Variants in DHX35 observed in about 807,000 individuals in gnomAD.
DHX35 encodes the protein DEAH-box helicase 35, also known as probable ATP-dependent RNA helicase DHX35.
DHX35 carries 84 observed loss-of-function variants against 99.6 expected under a neutral mutation model. That is an observed-to-expected ratio of 0.84 (90% confidence interval 0.71 to 1.01). The LOEUF (loss-of-function observed/expected upper bound fraction) is 1.01. Among genes scored for constraint, DHX35 ranks in the 50% least tolerant of loss-of-function variants. DHX35 has a pLI of 0.00. For synonymous variants in DHX35, 331 were observed against 316.2 expected, an observed-to-expected ratio of 1.05 and a Z score of -0.50; for missense variants, 852 against 888.5, an observed-to-expected ratio of 0.96 and a Z score of 0.52.
intron 8 of DHX35, among the ~76,000 whole-genome samples, chr20:39,000,139 C>T (rs2086495022): frequency 6.6e-6 from 1 of 152,148 alleles, no homozygotes; most frequent in African/African-American, 2.4e-5. Flanking sequence ...GGATGTCTCC[C>T]CCTTCCCAGC....
intron 13 of DHX35, among the ~76,000 whole-genome samples, chr20:39,013,080 AAAATAT>A (rs2086729285): frequency 6.6e-6 from 1 of 152,196 alleles, no homozygotes; most frequent in African/African-American, 2.4e-5. Context: ...ATTACATTTA[AAAATAT>A]AAATAATGAA....
At chr20:39,025,544 A>T (rs562999350) in intron 18 of DHX35, among the ~76,000 whole-genome samples, 185 bp downstream of exon 18, 1 of 152,068 alleles carries the variant, frequency 6.6e-6, no homozygotes, top group African/African-American at 2.4e-5. Context: ...TTTTCCAAGG[A>T]GGTCTATTTT....
At chr20:38,997,091 C>G (rs73621982) in intron 8 of DHX35, among the ~76,000 whole-genome samples, 50,928 of 148,782 alleles carry the variant, frequency 0.34, 8,653 homozygotes, top group Middle Eastern at 0.51. Context: ...TATTTTTTGA[C>G]ACCAAGTCTC....
chr20:38,999,188 C>A (rs1307603790), intron 8 of DHX35, among the ~76,000 whole-genome samples: 1 of 151,976 alleles, frequency 6.6e-6, no homozygotes, highest in Admixed American at 6.6e-5. Flanking sequence ...ATTGTCAAGG[C>A]ATCATCTTCT....
At position 39,034,244 on chromosome 20, in the gene DHX35, A is replaced by G. The variant is rs768780862; in HGVS notation, c.1994A>G (p.Tyr665Cys). Residue 665 changes from tyrosine to cysteine, a missense_variant, in exon 21 of 22, where the codon TAC (tyrosine) becomes TGC (cysteine). By Grantham distance (194) the Tyr-to-Cys change is radical. Coordinates refer to ENST00000252011, the MANE Select transcript of DHX35 (RefSeq NM_021931.4). ...YNEVIQTSKY[Y>C]MRDVTAIESA... ...GAAGTTATACAGACCTCCAAGTACT[A>G]CATGAGAGATGTGACTGCCATTGAA... The G allele has an allele frequency of 3.7e-6, 6 of 1,614,208 alleles. No homozygotes were observed. Among genetic ancestry groups the G allele is most frequent in the East Asian group, 2.2e-5 (1 of 44,888 alleles).
intron 14 of DHX35, among the ~76,000 whole-genome samples, chr20:39,018,002 T>C (rs985687514): frequency 6.6e-6 from 1 of 152,180 alleles, no homozygotes; most frequent in Non-Finnish European, 1.5e-5. Flanking sequence ...GCATGTCTTA[T>C]ATGGCAGCAG....
At chr20:38,994,984 C>G in intron 8 of DHX35, 104 bp downstream of exon 8, 2 of 969,720 alleles carry the variant, frequency 2.1e-6, no homozygotes, top group East Asian at 4.9e-5. Context: ...GCAGAATGCC[C>G]TATCTTCTTT....
intron 11 of DHX35, among the ~76,000 whole-genome samples, chr20:39,004,320 C>T (rs1051451052): frequency 5.9e-5 from 9 of 152,108 alleles, no homozygotes; most frequent in African/African-American, 2.2e-4. Context: ...CCACCTTGGC[C>T]TCCCAAAGTG....
rs189090106 is a variant in DHX35, at chr20:39,033,465, G to A, written c.1956-741G>A. 3.3e-3 allele frequency among the ~76,000 whole-genome samples: 501 copies of A among 152,212 alleles called. 3 individuals carry two copies. Among genetic ancestry groups the A allele is most frequent in the African/African-American group, 0.012 (479 of 41,514 alleles). On this transcript the variant is annotated intron_variant, in intron 20 of 21. Transcript: ENST00000252011. ...GGCAAAGAAAGTGCCCCCCAGTCACGGCCTCTTTGCAGGGGGGGCCCTTCT... is the reference window on the plus strand; with the variant it reads ...GGCAAAGAAAGTGCCCCCCAGTCACAGCCTCTTTGCAGGGGGGGCCCTTCT...
chr20:39,003,095 G>C (rs1187884374), intron 10 of DHX35, among the ~76,000 whole-genome samples: 1 of 152,176 alleles, frequency 6.6e-6, no homozygotes, highest in African/African-American at 2.4e-5. Context: ...TTTTTTAAAT[G>C]TATTAGCTGA....
At chr20:39,036,968 C>T (rs2145956053) in intron 21 of DHX35, among the ~76,000 whole-genome samples, 1 of 152,332 alleles carries the variant, frequency 6.6e-6, no homozygotes, top group Admixed American at 6.5e-5. Context: ...CAACCTTCCA[C>T]AGCCCACAGA....
intron 4 of DHX35, 103 bp from the exon 5 acceptor site, chr20:38,988,710 C>A: frequency 6.7e-7 from 1 of 1,503,104 alleles, no homozygotes; most frequent in Admixed American, 1.8e-5. Context: ...TCATTGTGTT[C>A]ACATACTATT....
At chr20:39,017,937 A>G (rs1174002200) in intron 14 of DHX35, among the ~76,000 whole-genome samples, 1 of 152,212 alleles carries the variant, frequency 6.6e-6, no homozygotes, top group African/African-American at 2.4e-5. Flanking sequence ...GAAAGGTTTA[A>G]TGGACTCACA....
chr20:39,025,806 C>T (rs1722885670), intron 18 of DHX35, among the ~76,000 whole-genome samples: 5 of 152,166 alleles, frequency 3.3e-5, no homozygotes, highest in Admixed American at 1.3e-4. Flanking sequence ...CAGAAAAGTA[C>T]TATGTAAGAC....
chr20:38,994,952 C>T (rs1019526747), intron 8 of DHX35, 72 bp downstream of exon 8: 18 of 1,339,076 alleles, frequency 1.3e-5, no homozygotes, highest in Non-Finnish European at 1.9e-5. Context: ...GGGAAGTTAC[C>T]TCTAGCAAGA....
Position 38,991,115 on chromosome 20 carries a change from G to A in DHX35, c.451-339G>A, listed in dbSNP as rs575234889. Reference sequence around the variant, plus strand: ...AGAGCAATTATCTTACACTTAGGGTGTTTCTTTGGGCAGATACCAGTTAGT... The same window carrying A: ...AGAGCAATTATCTTACACTTAGGGTATTTCTTTGGGCAGATACCAGTTAGT... On this transcript the variant is annotated intron_variant, in intron 5 of 21. Transcript: ENST00000252011. 2.2e-3 allele frequency among the ~76,000 whole-genome samples: 329 copies of A among 152,314 alleles called. 1 individual carries two copies. Among genetic ancestry groups the A allele is most frequent in the Non-Finnish European group, 3.6e-3 (247 of 68,016 alleles).
intron 15 of DHX35, among the ~76,000 whole-genome samples, chr20:39,020,720 G>A (rs1319677502): frequency 7.1e-6 from 1 of 141,710 alleles, no homozygotes; most frequent in Non-Finnish European, 1.5e-5. Context: ...GTGCAGTGGC[G>A]CAATCTCAGC....
chr20:38,992,868 C>A (rs1645411657), intron 7 of DHX35, among the ~76,000 whole-genome samples: 1 of 152,064 alleles, frequency 6.6e-6, no homozygotes, highest in Non-Finnish European at 1.5e-5. Flanking sequence ...ATTATAAATA[C>A]TGTTGTAGCA....
intron 9 of DHX35, among the ~76,000 whole-genome samples, chr20:39,002,538 T>C (rs2086537964): frequency 6.6e-6 from 1 of 152,246 alleles, no homozygotes; most frequent in Non-Finnish European, 1.5e-5. Flanking sequence ...TATGGGTATA[T>C]CATGTTATTT....
Sources: gnomAD v4.1 joint callset for allele counts (sites outside exome capture counted in the v4.1 genomes callset) on GRCh38, gnomAD v4.1.1 for gene constraint, MANE v1.5 for transcripts, NCBI Gene and HGNC (gene_info 2026-07-23, HGNC 2026-07-21) for gene names.